The following LAMB1 variants were observed in gnomAD, a reference collection of about 807,000 sequenced individuals.
LAMB1 encodes the protein laminin subunit beta-1.
A neutral mutation model predicts 222.3 loss-of-function variants in LAMB1; 121 were observed. That is an observed-to-expected ratio of 0.54 (90% CI 0.47 to 0.63). The LOEUF (loss-of-function observed/expected upper bound fraction) is 0.63, where lower values mean the gene tolerates loss of function less well. LAMB1 is among the 30% of genes least tolerant of loss of function. The pLI, the probability that LAMB1 is intolerant of heterozygous loss-of-function variation, is 0.00. For missense variants in LAMB1, 2,172 were observed against 2,240.8 expected, an observed-to-expected ratio of 0.97 and a Z score of 0.62; for synonymous variants, 794 against 807.2, an observed-to-expected ratio of 0.98 and a Z score of 0.28.
rs574280984 is a variant in LAMB1, at chr7:107,944,201, C to T, written c.3392-3843G>A. Among the ~76,000 whole-genome samples the T allele has an allele frequency of 3.3e-5, 5 of 152,262 alleles. No homozygotes were observed. In the South Asian group the frequency reaches 1.0e-3, roughly 32 times the overall value. On this transcript the variant is annotated intron_variant, in intron 24 of 33. Transcript: ENST00000222399. ...GCTTGGGGCAAGGGATGCATGCATA[C>T]GTTGATTTATTTTTAATTTCTGTGA... is the stretch of plus-strand genomic sequence containing the variant.
rs141706415 is a variant in LAMB1, at chr7:107,940,063, C to T, written c.3687G>A (p.Glu1229=). The change falls in exon 25 of 34, where the codon GAG becomes GAA. Residue 1229 remains glutamate, a synonymous_variant. Transcript: ENST00000222399. ...GGCTCTGCGCCAGGATGTCTTTTAT[C>T]TCGCTGACTTTCCTCTCCACCGAGT... The part of the protein sequence containing the change: ...TVDSVERKVS[E]IKDILAQSPA... 39 of 1,614,022 alleles carry T rather than the reference C, an allele frequency of 2.4e-5. No homozygotes were observed. The African/African-American group carries it at 4.4e-4, about 18-fold the overall frequency.
chr7:107,980,602 T>A lies in LAMB1; in HGVS notation c.879+7A>T, dbSNP rs1256888681. ...AAAGGAGAAAGGTGCACAGAGGGCT[T>A]ACTTACCATTCCTTCCACTTCTTCA... On this transcript the variant is annotated splice_region_variant and intron_variant, in intron 8 of 33. Coordinates refer to ENST00000222399, the MANE Select transcript of LAMB1 (RefSeq NM_002291.3). 1 of 1,610,434 alleles carries A rather than the reference T, an allele frequency of 6.2e-7. No homozygotes were observed. Among genetic ancestry groups the A allele is most frequent in the African/African-American group, 1.3e-5 (1 of 74,894 alleles).
chr7:107,963,318 T>C (rs1040072211), intron 14 of LAMB1, among the ~76,000 whole-genome samples: 1 of 152,206 alleles, frequency 6.6e-6, no homozygotes, highest in African/African-American at 2.4e-5. Flanking sequence ...GGATATACCT[T>C]ATTTGATATG....
chr7:107,965,995 G>C (rs1352213423), intron 13 of LAMB1, among the ~76,000 whole-genome samples: 1 of 151,774 alleles, frequency 6.6e-6, no homozygotes, highest in Non-Finnish European at 1.5e-5. Flanking sequence ...CTACTCGGGA[G>C]GCTGAGACAG....
At chr7:107,945,474 T>C (rs1190674759) in intron 24 of LAMB1, among the ~76,000 whole-genome samples, 1 of 152,206 alleles carries the variant, frequency 6.6e-6, no homozygotes, top group East Asian at 1.9e-4. Context: ...TCTCCATGAC[T>C]CTCCAGCTGA....
intron 22 of LAMB1, 78 bp from the exon 23 acceptor site, chr7:107,952,301 C>T: frequency 2.9e-6 from 3 of 1,050,542 alleles, no homozygotes; most frequent in East Asian, 2.6e-5. Flanking sequence ...CATCTAAATG[C>T]TAAGATGTTC....
chr7:107,940,799 CCTTA>C (rs2032963288), intron 24 of LAMB1, among the ~76,000 whole-genome samples: 1 of 152,186 alleles, frequency 6.6e-6, no homozygotes, highest in Non-Finnish European at 1.5e-5. Flanking sequence ...TTTGCCTCCC[CCTTA>C]CTTAGGATTT....
At chr7:107,956,676 C>T (rs1156326468) in intron 20 of LAMB1, among the ~76,000 whole-genome samples, 2 of 152,224 alleles carry the variant, frequency 1.3e-5, no homozygotes, top group African/African-American at 4.8e-5. Flanking sequence ...TGTTGGCAAG[C>T]CCACGGTGGC....
chr7:107,967,361 A>T (rs1476684259), intron 13 of LAMB1, among the ~76,000 whole-genome samples: 2 of 152,128 alleles, frequency 1.3e-5, no homozygotes, highest in African/African-American at 4.8e-5. Context: ...ACAATCTCCT[A>T]AACTGACCTC....
At chr7:107,996,613 C>A (rs1343957667) in intron 4 of LAMB1, among the ~76,000 whole-genome samples, 1 of 152,218 alleles carries the variant, frequency 6.6e-6, no homozygotes, top group Non-Finnish European at 1.5e-5. Flanking sequence ...CTAATCTCAT[C>A]TAATCTCTTG....
Position 107,959,744 on chromosome 7 carries a change from G to C in LAMB1, c.2405C>G (p.Thr802Ser). The change falls in exon 19 of 34, where the codon ACC (threonine) becomes AGC (serine). Residue 802 changes from threonine (T) to serine (S), a missense_variant. Physicochemically the swap from Thr to Ser is moderately conservative, Grantham distance 58 (BLOSUM62 1). Transcript: ENST00000222399. ...AGTTCCAGGTGCACATCTGTTGCAGGTTCTTCCAACCACGTTGGGCCGGCA... is the reference window on the plus strand; with the variant it reads ...AGTTCCAGGTGCACATCTGTTGCAGCTTCTTCCAACCACGTTGGGCCGGCA... Reference protein sequence around the residue: ...CQCRPNVVGRTCNRCAPGTFG... With the variant: ...CQCRPNVVGRSCNRCAPGTFG... The C allele has an allele frequency of 1.9e-6, 3 of 1,614,204 alleles. No homozygotes were observed. The highest frequency in any genetic ancestry group is 2.5e-6 in the Non-Finnish European group (3 of 1,180,042).
intron 28 of LAMB1, 148 bp downstream of exon 28, chr7:107,932,026 T>A: frequency 1.3e-6 from 1 of 781,192 alleles, no homozygotes; most frequent in Non-Finnish European, 2.1e-6. Flanking sequence ...TTCTCTGACC[T>A]CACAGAAACA....
chr7:107,980,759 C>T lies in LAMB1; in HGVS notation c.729G>A (p.Leu243=), dbSNP rs991635919. ...TCCTGGAATCCAGAAGGTTATCTCC[C>T]AAAGTATGCAGTTTCACAAACTTGA... The part of the protein sequence containing the change: ...LRIKFVKLHT[L]GDNLLDSRME... Residue 243 remains leucine, a synonymous_variant, in exon 8 of 34, where the codon TTG becomes TTA. Transcript: ENST00000222399. 6 of 1,612,774 alleles carry T rather than the reference C, an allele frequency of 3.7e-6. No homozygotes were observed. The highest frequency in any genetic ancestry group is 5.1e-6 in the Non-Finnish European group (6 of 1,178,918).
At chr7:107,928,636 GCACACAC>G (rs1412406361) in intron 31 of LAMB1, among the ~76,000 whole-genome samples, 1 of 152,066 alleles carries the variant, frequency 6.6e-6, no homozygotes, top group Non-Finnish European at 1.5e-5. Flanking sequence ...GGGACTACAG[GCACACAC>G]CACTATGCCC....
At chr7:107,988,315 T>C (rs918568899) in intron 5 of LAMB1, among the ~76,000 whole-genome samples, 1 of 152,202 alleles carries the variant, frequency 6.6e-6, no homozygotes, top group African/African-American at 2.4e-5. Flanking sequence ...TGATGTCCAC[T>C]TGGAGACACC....
At chr7:108,001,442 C>G in intron 3 of LAMB1, 116 bp downstream of exon 3, 1 of 1,187,666 alleles carries the variant, frequency 8.4e-7, no homozygotes, top group South Asian at 1.7e-5. Flanking sequence ...GACTCCCCGG[C>G]TGGCTGCGCT....
chr7:107,961,827 T>C, intron 15 of LAMB1, 151 bp from the exon 16 acceptor site: 1 of 909,326 alleles, frequency 1.1e-6, no homozygotes, highest in Non-Finnish European at 1.6e-6. Flanking sequence ...GCTACTCCCC[T>C]GGTTCCAGCC....
intron 20 of LAMB1, among the ~76,000 whole-genome samples, chr7:107,958,472 C>G (rs2033423215): frequency 6.6e-6 from 1 of 152,184 alleles, no homozygotes; most frequent in South Asian, 2.1e-4. Context: ...GAAGCACTTG[C>G]TGCAATGTTT....
chr7:107,946,394 G>A (rs1489760561), intron 24 of LAMB1, among the ~76,000 whole-genome samples: 1 of 152,218 alleles, frequency 6.6e-6, no homozygotes, highest in African/African-American at 2.4e-5. Flanking sequence ...GAAATGAGCT[G>A]CCTGTCTAGC....
Sources: allele counts gnomAD v4.1 joint callset (sites outside exome capture counted in the v4.1 genomes callset), GRCh38; gene constraint gnomAD v4.1.1; transcripts MANE v1.5; gene names NCBI Gene and HGNC (gene_info 2026-07-23, HGNC 2026-07-21).